The following ZNF92 variants were observed in gnomAD, a reference collection of about 807,000 sequenced individuals.
ZNF92 encodes zinc finger protein 92.
In ZNF92, 11 loss-of-function variants were observed where a neutral mutation model predicts 12.4. The ratio of observed to expected loss-of-function variants is 0.89; its 90% CI spans 0.56 to 1.47. ZNF92 has a LOEUF of 1.47. ZNF92 is among the 40% of genes most tolerant of loss of function. ZNF92 has a pLI of 0.00. For synonymous variants in ZNF92, 206 were observed against 228.6 expected, an observed-to-expected ratio of 0.90 and a Z score of 0.89; for missense variants, 622 against 681.0, an observed-to-expected ratio of 0.91 and a Z score of 0.96.
intron 3 of ZNF92, among the ~76,000 whole-genome samples, chr7:65,391,518 G>A (rs1156752073): frequency 6.6e-6 from 1 of 151,862 alleles, no homozygotes; most frequent in Non-Finnish European, 1.5e-5. Flanking sequence ...TTTGCGGCAG[G>A]CAAAAAGGAA....
intron 1 of ZNF92, among the ~76,000 whole-genome samples, chr7:65,379,109 T>C (rs978555955): frequency 5.3e-5 from 8 of 152,088 alleles, no homozygotes; most frequent in African/African-American, 1.7e-4. Flanking sequence ...ATCAAATTAT[T>C]GAACTGGAGG....
rs556933783 is a variant in ZNF92 at position 65,384,027 on chromosome 7, G to T, written c.4-3875G>T. 2.0e-5 allele frequency among the ~76,000 whole-genome samples: 3 copies of T among 152,208 alleles called. No individual in the cohort carries two copies. The East Asian group carries it at 5.8e-4, about 29-fold the overall frequency. ...ATTTGGGCCGCTTCTTTATATTGTT[G>T]TGACTTCTGAGGTCATCATTTGAAT... is the stretch of plus-strand genomic sequence containing the variant. On this transcript the variant is annotated intron_variant, in intron 1 of 3. Transcript: ENST00000328747.
chr7:65,379,090 A>G (rs760222567), intron 1 of ZNF92, among the ~76,000 whole-genome samples: 4 of 151,990 alleles, frequency 2.6e-5, no homozygotes, highest in Non-Finnish European at 5.9e-5. Context: ...GAGTTCTGTG[A>G]GCAGCTCTAT....
At chr7:65,379,180 G>A (rs1793335512) in intron 1 of ZNF92, among the ~76,000 whole-genome samples, 1 of 152,126 alleles carries the variant, frequency 6.6e-6, no homozygotes, top group Non-Finnish European at 1.5e-5. Context: ...GACCAATGAG[G>A]TTTTTGACTG....
chr7:65,376,949 G>C (rs1012095563), intron 1 of ZNF92, among the ~76,000 whole-genome samples: 1 of 152,054 alleles, frequency 6.6e-6, no homozygotes, highest in Non-Finnish European at 1.5e-5. Flanking sequence ...GAATATGTCT[G>C]TTCTATACCA....
intron 1 of ZNF92, 54 bp from the exon 2 acceptor site, chr7:65,387,848 C>G (rs932218985): frequency 1.3e-6 from 2 of 1,501,086 alleles, no homozygotes; most frequent in Non-Finnish European, 1.8e-6. Flanking sequence ...AAAATTCTGC[C>G]CATGGCCACT....
intron 1 of ZNF92, among the ~76,000 whole-genome samples, chr7:65,382,068 G>A (rs1793434214): frequency 6.6e-6 from 1 of 152,084 alleles, no homozygotes; most frequent in Non-Finnish European, 1.5e-5. Flanking sequence ...CTGTCACGAA[G>A]ATGTGAAAAG....
At chr7:65,385,045 A>G (rs1488469955) in intron 1 of ZNF92, among the ~76,000 whole-genome samples, 1 of 152,180 alleles carries the variant, frequency 6.6e-6, no homozygotes, top group Non-Finnish European at 1.5e-5. Context: ...TATTTGTACC[A>G]GAAGTATTTG....
intron 1 of ZNF92, among the ~76,000 whole-genome samples, chr7:65,377,060 A>G (rs902585239): frequency 6.6e-6 from 1 of 152,148 alleles, no homozygotes; most frequent in Non-Finnish European, 1.5e-5. Context: ...AATGGAAATA[A>G]TAAAATAATA....
intron 1 of ZNF92, among the ~76,000 whole-genome samples, chr7:65,385,143 C>A (rs1231153930): frequency 6.6e-6 from 1 of 152,128 alleles, no homozygotes; most frequent in Non-Finnish European, 1.5e-5. Flanking sequence ...GGGGGAGCAA[C>A]ATCAGCATCT....
At position 65,398,420 on chromosome 7, in the gene ZNF92, A is replaced by G. The variant is rs1343466909; in HGVS notation, c.306A>G (p.Thr102=). The change falls in exon 4 of 4, where the codon ACA becomes ACG. Residue 102 remains threonine, a synonymous_variant. Coordinates refer to ENST00000328747, the MANE Select transcript of ZNF92 (RefSeq NM_152626.4). ...CTTTCCAAAAAGTGATACTGAGAAC[A>G]TATGGAAAATATGGACATGAGAATT... is the stretch of plus-strand genomic sequence containing the variant. ...KDSFQKVILR[T]YGKYGHENLQ... The G allele has an allele frequency of 2.5e-6, 4 of 1,612,206 alleles. No individual in the cohort carries two copies. The African/African-American group carries it at 4.0e-5, about 16-fold the overall frequency.
intron 1 of ZNF92, among the ~76,000 whole-genome samples, chr7:65,377,652 C>T (rs940621947): frequency 5.9e-5 from 9 of 151,992 alleles, no homozygotes; most frequent in East Asian, 5.8e-4. Flanking sequence ...CTGCAACCTC[C>T]GCCTCCCGGG....
At chr7:65,390,272 CT>C (rs1295020483) in intron 3 of ZNF92, among the ~76,000 whole-genome samples, 1 of 151,942 alleles carries the variant, frequency 6.6e-6, no homozygotes, top group African/African-American at 2.4e-5. Flanking sequence ...ATGTCAATGG[CT>C]TTTTAAATTT....
chr7:65,381,077 G>T (rs944432784), intron 1 of ZNF92, among the ~76,000 whole-genome samples: 1 of 151,780 alleles, frequency 6.6e-6, no homozygotes, highest in African/African-American at 2.4e-5. Context: ...GCAGTGGCAC[G>T]ATCTCGGCTC....
At chr7:65,374,776 T>G (rs1793194693) in intron 1 of ZNF92, among the ~76,000 whole-genome samples, 1 of 151,986 alleles carries the variant, frequency 6.6e-6, no homozygotes, top group Non-Finnish European at 1.5e-5. Context: ...TCTAATTGCC[T>G]GCCACTTAAT....
rs528419189 is a variant in ZNF92 at position 65,384,218 on chromosome 7, AT to A, written c.4-3682del. On this transcript the variant is annotated intron_variant, in intron 1 of 3. Coordinates refer to ENST00000328747, the MANE Select transcript of ZNF92 (RefSeq NM_152626.4). ...ATTGACAGGGCAGTGGCTAAAAAAG[AT>A]TAAAATTACACAAACTGTGGGATTT... 1.9e-3 allele frequency among the ~76,000 whole-genome samples: 293 copies of A among 152,308 alleles called. 3 individuals carry two copies. The highest frequency in any genetic ancestry group is 3.7e-3 in the Non-Finnish European group (251 of 68,016).
In ZNF92 at chr7:65,398,982, T is replaced by C. The variant is rs746558767; in HGVS notation, c.868T>C (p.Cys290Arg). The stretch of plus-strand genomic sequence containing the variant: ...AGAGAAACCCTACAAATGTGAAGAA[T>C]GTGGCAAGGCCTTTAACCAGTTCTC... ...TEEKPYKCEECGKAFNQFSIL... is the reference protein window; with the variant it reads ...TEEKPYKCEERGKAFNQFSIL... The change falls in exon 4 of 4, where the codon TGT (cysteine) becomes CGT (arginine). Residue 290 changes from cysteine (C) to arginine (R), a missense_variant. By Grantham distance (180) the Cys-to-Arg change is radical. Coordinates refer to ENST00000328747, the MANE Select transcript of ZNF92 (RefSeq NM_152626.4). 2.5e-6 allele frequency: 4 copies of C among 1,613,452 alleles called. No homozygotes were observed. In the Admixed American group the frequency reaches 6.7e-5, roughly 27 times the overall value.
chr7:65,377,844 C>T (rs1793289820), intron 1 of ZNF92, among the ~76,000 whole-genome samples: 2 of 152,078 alleles, frequency 1.3e-5, no homozygotes, highest in African/African-American at 4.8e-5. Context: ...GGATTACAGG[C>T]GTGAGCCACT....
chr7:65,386,987 T>C (rs1793585257), intron 1 of ZNF92, among the ~76,000 whole-genome samples: 1 of 148,996 alleles, frequency 6.7e-6, no homozygotes, highest in Non-Finnish European at 1.5e-5. Context: ...TTCCCCAGGC[T>C]AGAGTGCAAT....
Sources: gnomAD v4.1 joint callset for allele counts (sites outside exome capture counted in the v4.1 genomes callset) on GRCh38, gnomAD v4.1.1 for gene constraint, MANE v1.5 for transcripts, NCBI Gene and HGNC (gene_info 2026-07-23, HGNC 2026-07-21) for gene names.